Variants in MCCC2 observed in about 807,000 individuals in gnomAD.
The protein encoded by MCCC2 is methylcrotonyl-CoA carboxylase subunit 2.
Under a neutral mutation model 77.2 loss-of-function variants are expected in MCCC2, and 52 were observed. The ratio of observed to expected loss-of-function variants is 0.67; its 90% confidence interval spans 0.54 to 0.85. MCCC2 has a LOEUF of 0.85. MCCC2 is among the 40% of genes least tolerant of loss of function. The pLI, the probability that MCCC2 is intolerant of heterozygous loss-of-function variation, is 0.00. For synonymous variants in MCCC2, 253 were observed against 248.4 expected (o/e 1.02, Z -0.18); for missense variants, 682 against 703.2 (o/e 0.97, Z 0.34).
intron 10 of MCCC2, among the ~76,000 whole-genome samples, chr5:71,640,678 T>C (rs1580325164): frequency 6.6e-6 from 1 of 152,180 alleles, no homozygotes; most frequent in East Asian, 1.9e-4. Flanking sequence ...TACCCAGCTT[T>C]CTCATTGCAT....
rs1561846197 is a variant in MCCC2 at position 71,643,895 on chromosome 5, G to A, written c.1149G>A (p.Lys383=). 6.2e-6 allele frequency: 10 copies of A among 1,613,884 alleles called. No homozygotes were observed. The highest frequency in any genetic ancestry group is 6.8e-6 in the Non-Finnish European group (8 of 1,179,940). ...TTCTCTTTTCTGAATCTGCAAAAAA[G>A]GCAAGTACTGTTAAAAATATTTCAA... The part of the protein sequence containing the change: ...NGVLFSESAK[K]GTHFVQLCCQ... The change falls in exon 12 of 17, where the codon AAG becomes AAA. Residue 383 remains lysine, a splice_region_variant and synonymous_variant. Coordinates refer to ENST00000340941, the MANE Select transcript of MCCC2 (RefSeq NM_022132.5).
chr5:71,646,360 T>C (rs1016429148), intron 13 of MCCC2, 83 bp downstream of exon 13: 1 of 1,212,336 alleles, frequency 8.2e-7, no homozygotes, highest in East Asian at 2.4e-5. Context: ...ACAGCACACA[T>C]GTAGACCACT....
chr5:71,614,484 C>CTCT (rs1554135679), intron 6 of MCCC2, among the ~76,000 whole-genome samples: 4 of 139,192 alleles, frequency 2.9e-5, no homozygotes, highest in East Asian at 2.1e-4. Context: ...CTCTCTCTCT[C>CTCT]TTTTTTTTTT....
intron 6 of MCCC2, among the ~76,000 whole-genome samples, chr5:71,611,628 A>G (rs529342927): frequency 6.6e-5 from 10 of 152,206 alleles, no homozygotes; most frequent in Non-Finnish European, 1.5e-4. Context: ...GGTTAAATAC[A>G]TCGAATCCTA....
intron 1 of MCCC2, among the ~76,000 whole-genome samples, chr5:71,589,810 A>G (rs1744904264): frequency 6.6e-6 from 1 of 152,222 alleles, no homozygotes; most frequent in Non-Finnish European, 1.5e-5. Flanking sequence ...TCTGTTTTAT[A>G]GATGGGAAAA....
chr5:71,632,092 T>G (rs1471617179), intron 7 of MCCC2, 29 bp from the exon 8 acceptor site: 1 of 1,610,154 alleles, frequency 6.2e-7, no homozygotes, highest in Non-Finnish European at 8.5e-7. Flanking sequence ...ATGGACCGAT[T>G]TCACTGATGA....
At chr5:71,642,280 G>A (rs1443861556) in intron 11 of MCCC2, among the ~76,000 whole-genome samples, 3 of 152,128 alleles carry the variant, frequency 2.0e-5, no homozygotes, top group Non-Finnish European at 4.4e-5. Context: ...AAGAAGGATG[G>A]GAGGAATGAG....
At chr5:71,639,985 G>T (rs560096310) in intron 10 of MCCC2, among the ~76,000 whole-genome samples, 2 of 152,192 alleles carry the variant, frequency 1.3e-5, no homozygotes, top group Non-Finnish European at 2.9e-5. Flanking sequence ...CAGAAAAAGC[G>T]AAGTGCAAAC....
intron 16 of MCCC2, among the ~76,000 whole-genome samples, chr5:71,655,557 T>A (rs1747555534): frequency 6.6e-6 from 1 of 152,202 alleles, no homozygotes; most frequent in Non-Finnish European, 1.5e-5. Context: ...TCAATTCACC[T>A]GGTTGCAGAT....
rs1580329580 is a variant in MCCC2 at position 71,646,219 on chromosome 5, C to G, written c.1158C>G (p.His386Gln). The G allele has an allele frequency of 6.2e-7, 1 of 1,613,700 alleles. No homozygotes were observed. Among genetic ancestry groups the G allele is most frequent in the Non-Finnish European group, 8.5e-7 (1 of 1,179,730 alleles). Residue 386 changes from histidine (H) to glutamine (Q), a missense_variant, in exon 13 of 17, where the codon CAC becomes CAG. By Grantham distance (24) the His-to-Gln change is conservative (BLOSUM62 0). Transcript: ENST00000340941. ...ATGTTATTTGCTTATAGGGTACTCA[C>G]TTTGTCCAGTTATGCTGCCAAAGAA... ...LFSESAKKGT[H>Q]FVQLCCQRNI...
In MCCC2 at chr5:71,649,180, G is replaced by C. The variant is rs758506791; in HGVS notation, c.1300G>C (p.Val434Leu). Reference sequence around the variant, plus strand: ...GGTGGCCGCTGTGGCCTGTGCCCAAGTGCCTAAGATAACCCTCATCATTGG... The same window carrying C: ...GGTGGCCGCTGTGGCCTGTGCCCAACTGCCTAAGATAACCCTCATCATTGG... The part of the protein sequence containing the change: ...KMVAAVACAQ[V>L]PKITLIIGGS... Residue 434 changes from valine to leucine, a missense_variant, in exon 14 of 17, where the codon GTG becomes CTG. Val to Leu is a conservative substitution (Grantham distance 32, BLOSUM62 1). Coordinates refer to ENST00000340941, the MANE Select transcript of MCCC2 (RefSeq NM_022132.5). 12 of 1,614,128 alleles carry C rather than the reference G, an allele frequency of 7.4e-6. No individual in the cohort carries two copies. Among genetic ancestry groups the C allele is most frequent in the Admixed American group, 6.7e-5 (4 of 60,010 alleles).
At chr5:71,627,993 G>A (rs548271569) in intron 7 of MCCC2, among the ~76,000 whole-genome samples, 13 of 152,124 alleles carry the variant, frequency 8.5e-5, no homozygotes, top group African/African-American at 1.2e-4. Flanking sequence ...ACAGGTGCAC[G>A]CCACCACTCC....
In MCCC2 at chr5:71,657,599, G is replaced by GT. The variant is rs1356099769; in HGVS notation, c.*740dup. ...GCACCACCACACCCAGCTAAGTTCTGTATTTTTAGCAGAGACGGGATTTCA... is the reference window on the plus strand; with the variant it reads ...GCACCACCACACCCAGCTAAGTTCTGTTATTTTTAGCAGAGACGGGATTTCA... On this transcript the variant is annotated 3_prime_UTR_variant, in exon 17 of 17. Coordinates refer to ENST00000340941, the MANE Select transcript of MCCC2 (RefSeq NM_022132.5). 5 of 151,986 alleles carry GT rather than the reference G, an allele frequency of 3.3e-5. No homozygotes were observed. Among genetic ancestry groups the GT allele is most frequent in the Non-Finnish European group, 7.3e-5 (5 of 68,056 alleles). 9.4% of individuals were successfully genotyped at this position (151,986 alleles called of 1,614,324 possible).
In MCCC2 at chr5:71,604,426, A is replaced by G. The variant is rs752919472; in HGVS notation, c.582A>G (p.Thr194=). The change falls in exon 6 of 17, where the codon ACA becomes ACG. Residue 194 remains threonine (T), a synonymous_variant. Coordinates refer to ENST00000340941, the MANE Select transcript of MCCC2 (RefSeq NM_022132.5). ...CAGATCGAGACCACTTTGGCCGTAC[A>G]TTCTATAATCAGGCAATTATGTCTT... ...VFPDRDHFGR[T]FYNQAIMSSK... 3 of 1,614,068 alleles carry G rather than the reference A, an allele frequency of 1.9e-6. No individual in the cohort carries two copies. Among genetic ancestry groups the G allele is most frequent in the East Asian group, 2.2e-5 (1 of 44,892 alleles).
intron 3 of MCCC2, among the ~76,000 whole-genome samples, chr5:71,598,897 A>G (rs1005361959): frequency 2.0e-5 from 3 of 151,696 alleles, no homozygotes; most frequent in Non-Finnish European, 4.4e-5. Flanking sequence ...GACCACAGGC[A>G]TGTGCCATCA....
intron 7 of MCCC2, among the ~76,000 whole-genome samples, chr5:71,627,440 T>G (rs184489675): frequency 6.6e-6 from 1 of 152,356 alleles, no homozygotes; most frequent in African/African-American, 2.4e-5. Flanking sequence ...TGAATAATAT[T>G]CCATTGTATG....
At chr5:71,620,794 T>A (rs1192445119) in intron 6 of MCCC2, among the ~76,000 whole-genome samples, 1 of 152,188 alleles carries the variant, frequency 6.6e-6, no homozygotes, top group Non-Finnish European at 1.5e-5. Flanking sequence ...TACTGTCAGG[T>A]ATGTCTCATC....
chr5:71,587,434 C>T lies in MCCC2; in HGVS notation c.9C>T (p.Ala3=). The T allele has an allele frequency of 2.0e-6, 3 of 1,534,670 alleles. No homozygotes were observed. The highest frequency in any genetic ancestry group is 2.6e-6 in the Non-Finnish European group (3 of 1,146,244). The change falls in exon 1 of 17, where the codon GCC becomes GCT. Residue 3 remains alanine (A), a synonymous_variant. Coordinates refer to ENST00000340941, the MANE Select transcript of MCCC2 (RefSeq NM_022132.5). ...GCTCGGTGCCCGCCGCCATGTGGGC[C>T]GTCCTGAGGTTAGCCCTGCGGCCGT... MW[A]VLRLALRPCA... is the part of the protein sequence containing the mutation.
intron 6 of MCCC2, among the ~76,000 whole-genome samples, chr5:71,623,432 C>T (rs1746425600): frequency 6.6e-6 from 1 of 152,144 alleles, no homozygotes; most frequent in African/African-American, 2.4e-5. Context: ...TGCTGGCCAG[C>T]GGCCTTCCTC....
Sources: allele counts gnomAD v4.1 joint callset (sites outside exome capture counted in the v4.1 genomes callset), GRCh38; gene constraint gnomAD v4.1.1; transcripts MANE v1.5; gene names NCBI Gene and HGNC (gene_info 2026-07-23, HGNC 2026-07-21).